Variants in GLIPR1 observed in about 807,000 individuals in gnomAD.
The protein encoded by GLIPR1 is glioma pathogenesis-related protein 1.
GLIPR1 carries 38 observed loss-of-function variants against 30.3 expected under a neutral mutation model. The ratio of observed to expected loss-of-function variants is 1.26; its 90% confidence interval spans 0.97 to 1.65. The LOEUF (loss-of-function observed/expected upper bound fraction) is 1.65, where lower values mean the gene tolerates loss of function less well. Ranked by LOEUF, GLIPR1 falls within the 40% of genes most tolerant of loss-of-function variation. The pLI is 0.00. For synonymous variants in GLIPR1, 122 were observed against 110.6 expected, an observed-to-expected ratio of 1.10 and a Z score of -0.65; for missense variants, 285 against 326.5, an observed-to-expected ratio of 0.87 and a Z score of 0.98.
intron 1 of GLIPR1, 130 bp from the exon 2 acceptor site, chr12:75,481,704 T>C: frequency 1.3e-6 from 1 of 767,582 alleles, no homozygotes; most frequent in East Asian, 2.5e-5. Flanking sequence ...GAAGACCATA[T>C]TTATAGAGGA....
In GLIPR1 at chr12:75,499,865, C is replaced by T. The variant is rs1177607491; in HGVS notation, c.*887C>T. ...GCCTCCATCTTAAGTGCAATTTCTT[C>T]AGCTGTAAGAGCTCCCAGTTTCTTA... On this transcript the variant is annotated 3_prime_UTR_variant, in exon 6 of 6. Transcript: ENST00000266659. 12 of 1,607,970 alleles carry T rather than the reference C, an allele frequency of 7.5e-6. No homozygotes were observed. The highest frequency in any genetic ancestry group is 1.0e-5 in the Non-Finnish European group (12 of 1,177,354).
Position 75,501,794 on chromosome 12 carries a change from C to A in GLIPR1, c.*2816C>A, listed in dbSNP as rs781256310. On this transcript the variant is annotated 3_prime_UTR_variant, in exon 6 of 6. Transcript: ENST00000266659. ...TTTGTTTCTTTCCTCTTGTCTCTTA[C>A]TGATGGCTTCTGCTTGTTTAGCCTA... 3 of 1,609,734 alleles carry A rather than the reference C, an allele frequency of 1.9e-6. No homozygotes were observed. In the East Asian group the frequency reaches 6.7e-5, roughly 36 times the overall value.
intron 2 of GLIPR1, among the ~76,000 whole-genome samples, chr12:75,485,627 T>G (rs1444281931): frequency 6.7e-6 from 1 of 150,050 alleles, no homozygotes; most frequent in Non-Finnish European, 1.5e-5. Context: ...CTCGGCTCAC[T>G]GCAAGCTCCG....
In GLIPR1 at chr12:75,480,897, C is replaced by T. The variant is rs1253288373; in HGVS notation, c.17C>T (p.Ala6Val). The change falls in exon 1 of 6, where the codon GCT becomes GTT. Residue 6 changes from alanine (A) to valine (V), a missense_variant. Physicochemically the swap from Ala to Val is moderately conservative, Grantham distance 64 (BLOSUM62 0). Coordinates refer to ENST00000266659, the MANE Select transcript of GLIPR1 (RefSeq NM_006851.3). ...AGACAAAGCATGCGTGTCACACTTG[C>T]TACAATAGCCTGGATGGTTTCTTTT... is the stretch of plus-strand genomic sequence containing the variant. MRVTLATIAWMVSFVS... is the reference protein window; with the variant it reads MRVTLVTIAWMVSFVS... The T allele has an allele frequency of 2.5e-6, 4 of 1,611,844 alleles. No individual in the cohort carries two copies. Among genetic ancestry groups the T allele is most frequent in the Non-Finnish European group, 3.4e-6 (4 of 1,178,592 alleles).
chr12:75,484,721 G>A (rs1353286407), intron 2 of GLIPR1: 1 of 152,196 alleles, frequency 6.6e-6, no homozygotes, highest in Non-Finnish European at 1.5e-5. Flanking sequence ...CAGTGGGGGA[G>A]CTTTTGAGCC....
intron 2 of GLIPR1, among the ~76,000 whole-genome samples, chr12:75,488,629 AATTTC>A (rs1192847328): frequency 1.3e-5 from 2 of 152,146 alleles, no homozygotes; most frequent in African/African-American, 2.4e-5. Context: ...ACAGGGAGTA[AATTTC>A]ATTTATTTTT....
chr12:75,480,841 T>C lies in GLIPR1; in HGVS notation c.-40T>C, dbSNP rs1391948047. The C allele has an allele frequency of 1.7e-5, 27 of 1,548,428 alleles. No homozygotes were observed. Among genetic ancestry groups the C allele is most frequent in the Admixed American group, 7.1e-5 (4 of 56,582 alleles). ...TCACACTCTCAGAAACTGCGGCGGC[T>C]CTGGACTGCAGCCTCCCAAGGCTCC... is the stretch of plus-strand genomic sequence containing the variant. On this transcript the variant is annotated 5_prime_UTR_variant, in exon 1 of 6. Transcript: ENST00000266659.
At position 75,501,822 on chromosome 12, in the gene GLIPR1, T is replaced by A; in HGVS notation, c.*2844T>A. On this transcript the variant is annotated 3_prime_UTR_variant, in exon 6 of 6. Transcript: ENST00000266659. ...ATGGCTTCTGCTTGTTTAGCCTACATTAATAAATAAAAAATATATCAGTTA... is the reference window on the plus strand; with the variant it reads ...ATGGCTTCTGCTTGTTTAGCCTACAATAATAAATAAAAAATATATCAGTTA... The A allele has an allele frequency of 6.3e-7, 1 of 1,592,234 alleles. No homozygotes were observed. Among genetic ancestry groups the A allele is most frequent in the South Asian group, 1.1e-5 (1 of 89,026 alleles).
intron 2 of GLIPR1, among the ~76,000 whole-genome samples, chr12:75,482,713 GT>G (rs35532052): frequency 0.28 from 39,429 of 141,970 alleles, 5,424 homozygotes; most frequent in South Asian, 0.34. Context: ...CACCCATTGA[GT>G]TTTTTTTTTT....
In GLIPR1 at chr12:75,499,028, CTT is replaced by C; in HGVS notation, c.*58_*59del. On this transcript the variant is annotated 3_prime_UTR_variant, in exon 6 of 6. Transcript: ENST00000266659. ...AAAAACCAACCTCATTCACATATGG[CTT>C]TTTTTTTAACCAATAACAATTAGGT... 1.6e-6 allele frequency: 2 copies of C among 1,269,598 alleles called. No homozygotes were observed. Among genetic ancestry groups the C allele is most frequent in the Non-Finnish European group, 2.1e-6 (2 of 932,508 alleles). 78.6% of individuals were successfully genotyped at this position (1,269,598 alleles called of 1,614,324 possible).
At chr12:75,497,197 A>G (rs2046356751) in intron 4 of GLIPR1, 1 of 152,226 alleles carries the variant, frequency 6.6e-6, no homozygotes, top group Admixed American at 6.5e-5. Flanking sequence ...ACCCAGTGAA[A>G]AAAATGTTTC....
chr12:75,501,036 C>T lies in GLIPR1; in HGVS notation c.*2058C>T, dbSNP rs1211942045. 1.3e-5 allele frequency: 2 copies of T among 151,970 alleles called. No homozygotes were observed. Among genetic ancestry groups the T allele is most frequent in the Non-Finnish European group, 2.9e-5 (2 of 67,982 alleles). 9.4% of individuals were successfully genotyped at this position (151,970 alleles called of 1,614,324 possible). A position where few individuals can be genotyped will look rare whatever the true frequency, so the allele number is the denominator to read the frequency against. On this transcript the variant is annotated 3_prime_UTR_variant, in exon 6 of 6. Coordinates refer to ENST00000266659, the MANE Select transcript of GLIPR1 (RefSeq NM_006851.3). ...ATCTGTTTCTGACCCAGTCTATGTA[C>T]AATATTGCTGGTGAGCCCTCTCCCT...
intron 2 of GLIPR1, among the ~76,000 whole-genome samples, chr12:75,485,298 T>C (rs1056285010): frequency 6.6e-5 from 10 of 152,218 alleles, no homozygotes; most frequent in African/African-American, 1.9e-4. Context: ...TCACTGGAGA[T>C]AGACTGGCAT....
Position 75,498,711 on chromosome 12 carries a change from C to G in GLIPR1, c.637C>G (p.Gln213Glu), listed in dbSNP as rs1164622398. The G allele has an allele frequency of 6.2e-6, 10 of 1,612,026 alleles. No homozygotes were observed. Among genetic ancestry groups the G allele is most frequent in the Non-Finnish European group, 8.5e-6 (10 of 1,178,728 alleles). The change falls in exon 5 of 6, where the codon CAA (glutamine) becomes GAA (glutamate). Residue 213 changes from glutamine to glutamate, a missense_variant. Coordinates refer to ENST00000266659, the MANE Select transcript of GLIPR1 (RefSeq NM_006851.3). ...DNLCVNRQRD[Q>E]VKRYYSVVYP... ...CTTTACAGTTAACCGACAGCGAGACCAAGTCAAACGTACGTACATCAATCT... is the reference window on the plus strand; with the variant it reads ...CTTTACAGTTAACCGACAGCGAGACGAAGTCAAACGTACGTACATCAATCT...
chr12:75,483,096 A>G (rs374332776), intron 2 of GLIPR1, among the ~76,000 whole-genome samples: 1 of 65,974 alleles, frequency 1.5e-5, no homozygotes. Context: ...TCGTGGTGCT[A>G]CAGATGAACC....
rs1026930172 is a variant in GLIPR1, at chr12:75,501,469, C to T, written c.*2491C>T. ...GGCTGCCCTGGGTTTGTATCTTTCA[C>T]AACAAAGAGTCTTTTCCAAGCACAG... On this transcript the variant is annotated 3_prime_UTR_variant, in exon 6 of 6. Transcript: ENST00000266659. The T allele has an allele frequency of 2.9e-5, 11 of 373,372 alleles. No individual in the cohort carries two copies. In the Admixed American group the frequency reaches 4.6e-4, roughly 16 times the overall value. The allele number at this position is 373,372 out of a possible 1,614,324, so 23.1% of individuals were successfully genotyped here.
At chr12:75,484,706 G>A (rs1410906003) in intron 2 of GLIPR1, 1 of 152,250 alleles carries the variant, frequency 6.6e-6, no homozygotes, top group African/African-American at 2.4e-5. Context: ...GAGTCACAAG[G>A]TGCTCAGTGG....
In GLIPR1 at chr12:75,482,075, C is replaced by G; in HGVS notation, c.416C>G (p.Thr139Ser). 6.2e-7 allele frequency: 1 copy of G among 1,613,434 alleles called. No individual in the cohort carries two copies. The highest frequency in any genetic ancestry group is 8.5e-7 in the Non-Finnish European group (1 of 1,179,372). ...TGCAAAAAAGTCTGTGGCCACTACA[C>G]TCAGGTAAGGATCTGCCCTATATTA... ...RICKKVCGHY[T>S]QVVWADSYKV... The change falls in exon 2 of 6, where the codon ACT (threonine) becomes AGT (serine). Residue 139 changes from threonine to serine, a missense_variant. Physicochemically the swap from Thr to Ser is moderately conservative, Grantham distance 58. Transcript: ENST00000266659.
chr12:75,496,982 T>C (rs1230562461), intron 4 of GLIPR1: 3 of 152,204 alleles, frequency 2.0e-5, no homozygotes, highest in Non-Finnish European at 4.4e-5. Flanking sequence ...GCAGATAATA[T>C]CAAGGTATCA....
Sources: allele counts gnomAD v4.1 joint callset (sites outside exome capture counted in the v4.1 genomes callset), GRCh38; gene constraint gnomAD v4.1.1; transcripts MANE v1.5; gene names NCBI Gene and HGNC (gene_info 2026-07-23, HGNC 2026-07-21).